Variants in RIMS2 observed in about 807,000 individuals in gnomAD.
RIMS2 encodes regulating synaptic membrane exocytosis protein 2.
RIMS2 carries 59 observed loss-of-function variants against 174.4 expected under a neutral mutation model. That is an observed-to-expected ratio of 0.34 (90% CI 0.27 to 0.42). The LOEUF is 0.42. RIMS2 is among the 10% of genes least tolerant of loss of function. RIMS2 has a pLI of 1.00. For synonymous variants in RIMS2, 606 were observed against 572.5 expected, an observed-to-expected ratio of 1.06 and a Z score of -0.84; for missense variants, 1,620 against 1,666.3, an observed-to-expected ratio of 0.97 and a Z score of 0.48.
At chr8:103,702,783 T>G (rs2097180338) in intron 2 of RIMS2, among the ~76,000 whole-genome samples, 1 of 151,960 alleles carries the variant, frequency 6.6e-6, no homozygotes, top group Non-Finnish European at 1.5e-5. Context: ...TTTATGCTAG[T>G]ACTATGCTGT....
chr8:104,220,037 A>T (rs911838880), intron 19 of RIMS2, among the ~76,000 whole-genome samples: 17 of 152,218 alleles, frequency 1.1e-4, no homozygotes, highest in East Asian at 3.9e-4. Context: ...GAACATAAAA[A>T]TTTTTTTTAA....
chr8:104,027,175 G>T lies in RIMS2; in HGVS notation c.3334+12560G>T, dbSNP rs565557979. ...CCATTTAGGGCAATTCAGTCATCCG[G>T]TATTTGATGGCCTGAACTAAAGCAG... On this transcript the variant is annotated intron_variant, in intron 19 of 23. Transcript: ENST00000504942. Among the ~76,000 whole-genome samples the T allele has an allele frequency of 8.5e-5, 13 of 152,268 alleles. No individual in the cohort carries two copies. In the East Asian group the frequency reaches 2.1e-3, roughly 25 times the overall value.
intron 1 of RIMS2, among the ~76,000 whole-genome samples, chr8:103,633,951 A>AT (rs1194948779): frequency 6.6e-6 from 1 of 151,862 alleles, no homozygotes; most frequent in East Asian, 1.9e-4. Flanking sequence ...TGGCCTATTA[A>AT]TTTTTTCAAA....
intron 1 of RIMS2, among the ~76,000 whole-genome samples, chr8:103,502,982 A>G (rs1183675764): frequency 6.6e-6 from 1 of 151,980 alleles, no homozygotes; most frequent in East Asian, 1.9e-4. Context: ...ATATGTATAT[A>G]TTATTTCTGT....
intron 19 of RIMS2, among the ~76,000 whole-genome samples, chr8:104,144,477 G>C (rs745444786): frequency 6.6e-6 from 1 of 152,078 alleles, no homozygotes; most frequent in Admixed American, 6.5e-5. Context: ...AAAAGAAGAA[G>C]CGATGTTGGA....
chr8:103,827,885 G>T (rs2098801583), intron 3 of RIMS2, among the ~76,000 whole-genome samples: 1 of 150,072 alleles, frequency 6.7e-6, no homozygotes, highest in African/African-American at 2.4e-5. Context: ...TAACCAGATA[G>T]AAGACACTCC....
intron 19 of RIMS2, among the ~76,000 whole-genome samples, chr8:104,073,889 C>T (rs946274483): frequency 1.1e-4 from 16 of 152,134 alleles, no homozygotes; most frequent in African/African-American, 3.9e-4. Flanking sequence ...CAACACAGAG[C>T]TTCATTTTTT....
intron 1 of RIMS2, among the ~76,000 whole-genome samples, chr8:103,572,475 A>AGCT (rs1372810002): frequency 1.3e-5 from 2 of 152,152 alleles, no homozygotes; most frequent in Non-Finnish European, 2.9e-5. Flanking sequence ...TACAAACTCA[A>AGCT]GCTGCTTTCT....
chr8:103,839,857 CAAAACAAAAACA>C (rs371646173), intron 3 of RIMS2, among the ~76,000 whole-genome samples: 2 of 152,060 alleles, frequency 1.3e-5, no homozygotes, highest in Admixed American at 1.3e-4. Context: ...ATATGTAGCG[CAAAACAAAAACA>C]AAAACAAAAA....
intron 3 of RIMS2, among the ~76,000 whole-genome samples, chr8:103,876,867 TATATATATATATATATATA>T (rs1565060771): frequency 0.027 from 778 of 28,474 alleles, 28 homozygotes; most frequent in African/African-American, 0.051. Flanking sequence ...CACTATTTTA[TATATATATATATATATATA>T]TATATATATA....
At chr8:103,771,328 A>T (rs2098251272) in intron 3 of RIMS2, among the ~76,000 whole-genome samples, 1 of 152,184 alleles carries the variant, frequency 6.6e-6, no homozygotes, top group South Asian at 2.1e-4. Flanking sequence ...AATTAGTGAA[A>T]ACTAAAGTAA....
intron 1 of RIMS2, among the ~76,000 whole-genome samples, chr8:103,645,078 T>C (rs1408086418): frequency 6.6e-6 from 1 of 152,078 alleles, no homozygotes. Context: ...TTTGCCATTA[T>C]CTTTTTATCT....
chr8:103,796,580 T>C (rs529332445), intron 3 of RIMS2, among the ~76,000 whole-genome samples: 1 of 152,266 alleles, frequency 6.6e-6, no homozygotes, highest in Non-Finnish European at 1.5e-5. Flanking sequence ...AGATCACTAA[T>C]GAATTTTTAA....
At chr8:104,032,587 A>T (rs2096419863) in intron 19 of RIMS2, among the ~76,000 whole-genome samples, 1 of 152,070 alleles carries the variant, frequency 6.6e-6, no homozygotes, top group Non-Finnish European at 1.5e-5. Context: ...GTGCAGAGAT[A>T]ATTGATTAAC....
chr8:103,782,098 G>T (rs562703227), intron 3 of RIMS2, among the ~76,000 whole-genome samples: 2 of 148,780 alleles, frequency 1.3e-5, no homozygotes, highest in African/African-American at 2.5e-5. Flanking sequence ...GCTCAATTTC[G>T]CTCAGTTTCT....
chr8:103,543,942 G>T (rs1843704301), intron 1 of RIMS2, among the ~76,000 whole-genome samples: 1 of 152,126 alleles, frequency 6.6e-6, no homozygotes, highest in Admixed American at 6.5e-5. Flanking sequence ...GATTTTTTTA[G>T]ATATGATCCC....
intron 1 of RIMS2, among the ~76,000 whole-genome samples, chr8:103,624,919 T>C (rs1198605331): frequency 1.3e-5 from 2 of 152,040 alleles, no homozygotes; most frequent in Non-Finnish European, 2.9e-5. Context: ...GCACAGAAAA[T>C]ACTAAGCCCC....
chr8:104,013,164 A>G (rs569681283), intron 17 of RIMS2, among the ~76,000 whole-genome samples: 2 of 152,252 alleles, frequency 1.3e-5, no homozygotes, highest in African/African-American at 4.8e-5. Flanking sequence ...CCATTTAGGG[A>G]ATTCATTTTG....
intron 19 of RIMS2, among the ~76,000 whole-genome samples, chr8:104,115,706 G>A (rs1000652537): frequency 1.3e-5 from 2 of 152,100 alleles, no homozygotes; most frequent in Admixed American, 6.6e-5. Context: ...AAGGGGCCAA[G>A]CAGGTAATAT....
Sources: allele counts gnomAD v4.1 joint callset (sites outside exome capture counted in the v4.1 genomes callset), GRCh38; gene constraint gnomAD v4.1.1; transcripts MANE v1.5; gene names NCBI Gene and HGNC (gene_info 2026-07-23, HGNC 2026-07-21).